Variants in SNX29 observed in about 807,000 individuals in gnomAD.
The protein encoded by SNX29 is sorting nexin-29.
A neutral mutation model predicts 102.1 loss-of-function variants in SNX29; 78 were observed. The observed-to-expected ratio is 0.76, with a 90% confidence interval of 0.64 to 0.92. SNX29 has a LOEUF of 0.92. SNX29 is among the 40% of genes least tolerant of loss of function. The pLI is 0.00. For missense variants in SNX29, 1,280 were observed against 1,061.7 expected (o/e 1.21, Z -2.86); for synonymous variants, 580 against 414.5 (o/e 1.40, Z -4.85).
chr16:12,568,697 T>C lies in SNX29; in HGVS notation c.*68T>C, dbSNP rs1482831988. On this transcript the variant is annotated 3_prime_UTR_variant, in exon 21 of 21. Transcript: ENST00000566228. ...CTGCGTCCACCCCAGCCACTGCCGC[T>C]GGCCCCTCACCTCAGCGTGACAACC... 8 of 1,574,070 alleles carry C rather than the reference T, an allele frequency of 5.1e-6. No individual in the cohort carries two copies. The highest frequency in any genetic ancestry group is 6.9e-6 in the Non-Finnish European group (8 of 1,165,354).
chr16:12,144,473 G>A (rs945902338), intron 13 of SNX29, among the ~76,000 whole-genome samples: 6 of 152,296 alleles, frequency 3.9e-5, no homozygotes, highest in Admixed American at 3.3e-4. Context: ...ATTAGACCAT[G>A]AGCGCTCCAC....
At chr16:12,046,356 C>G (rs185932568) in intron 5 of SNX29, 28 bp from the exon 6 acceptor site, 8 of 1,611,378 alleles carry the variant, frequency 5.0e-6, no homozygotes, top group Non-Finnish European at 5.9e-6. Context: ...CTGCTAAGAA[C>G]GATTTCCTTT....
intron 15 of SNX29, among the ~76,000 whole-genome samples, chr16:12,345,000 A>G (rs1173609528): frequency 1.3e-5 from 2 of 152,250 alleles, no homozygotes; most frequent in Admixed American, 6.5e-5. Context: ...GGCGCCAAGT[A>G]AACCACCTCA....
intron 15 of SNX29, among the ~76,000 whole-genome samples, chr16:12,320,459 A>G (rs2080896009): frequency 6.6e-6 from 1 of 152,222 alleles, no homozygotes; most frequent in Admixed American, 6.5e-5. Context: ...CTCAGCCACC[A>G]TCATCAGCCC....
intron 18 of SNX29, among the ~76,000 whole-genome samples, chr16:12,434,694 C>G (rs982547624): frequency 2.6e-5 from 4 of 152,122 alleles, no homozygotes; most frequent in African/African-American, 9.7e-5. Flanking sequence ...TTCTTAACTT[C>G]CTGCATCTGA....
intron 20 of SNX29, among the ~76,000 whole-genome samples, chr16:12,531,698 G>A (rs1183422657): frequency 6.6e-6 from 1 of 152,180 alleles, no homozygotes; most frequent in Non-Finnish European, 1.5e-5. Flanking sequence ...AGAGGTCAAG[G>A]GGACAAGGAG....
chr16:12,430,796 C>T (rs963328225), intron 18 of SNX29, among the ~76,000 whole-genome samples: 1 of 151,380 alleles, frequency 6.6e-6, no homozygotes, highest in African/African-American at 2.4e-5. Flanking sequence ...CCTTAGTCCA[C>T]TTGTAAGTGG....
At chr16:12,475,293 G>A (rs907173322) in intron 18 of SNX29, among the ~76,000 whole-genome samples, 1 of 152,200 alleles carries the variant, frequency 6.6e-6, no homozygotes, top group African/African-American at 2.4e-5. Context: ...CCACCCAGTG[G>A]TTGGTAAGAT....
At chr16:12,477,000 C>T (rs751827471) in intron 18 of SNX29, among the ~76,000 whole-genome samples, 5 of 152,154 alleles carry the variant, frequency 3.3e-5, no homozygotes, top group Non-Finnish European at 7.4e-5. Flanking sequence ...ATTGATGTCT[C>T]TCCTGCTTCT....
chr16:12,570,037 T>TC lies in SNX29; in HGVS notation c.*1410dup. On this transcript the variant is annotated 3_prime_UTR_variant, in exon 21 of 21. Coordinates refer to ENST00000566228, the MANE Select transcript of SNX29 (RefSeq NM_032167.5). ...ACTGCCCAGGTGAGCATGGAGCATC[T>TC]CCTAGGCTCGAGGACATCTCTGGAG... 2.3e-6 allele frequency: 1 copy of TC among 428,400 alleles called. No homozygotes were observed. Among genetic ancestry groups the TC allele is most frequent in the Non-Finnish European group, 3.4e-6 (1 of 297,118 alleles). The allele number at this position is 428,400 out of a possible 1,614,324, so 26.5% of individuals were successfully genotyped here. A position where few individuals can be genotyped will look rare whatever the true frequency, so the allele number is the denominator to read the frequency against.
chr16:12,470,769 C>G (rs1464796314), intron 18 of SNX29, among the ~76,000 whole-genome samples: 2 of 152,212 alleles, frequency 1.3e-5, no homozygotes, highest in Admixed American at 1.3e-4. Context: ...ATTGCACATC[C>G]TATAATTAGC....
At position 12,451,861 on chromosome 16, in the gene SNX29, C is replaced by G. The variant is rs1268841074; in HGVS notation, c.2038-25858C>G. On this transcript the variant is annotated intron_variant, in intron 18 of 20. Transcript: ENST00000566228. Reference sequence around the variant, plus strand: ...CCTGGGTGACAGAGCAAGACTTCATCTAAAAATAAATAAACAAACAGATGG... The same window carrying G: ...CCTGGGTGACAGAGCAAGACTTCATGTAAAAATAAATAAACAAACAGATGG... 2.0e-5 allele frequency among the ~76,000 whole-genome samples: 3 copies of G among 152,324 alleles called. No individual in the cohort carries two copies. The South Asian group carries it at 6.2e-4, about 32-fold the overall frequency.
rs1333254081 is a variant in SNX29, at chr16:12,052,220, G to T, written c.1122G>T (p.Glu374Asp). The change falls in exon 8 of 21, where the codon GAG becomes GAT. Residue 374 changes from glutamate (E) to aspartate (D), a missense_variant and splice_region_variant. Transcript: ENST00000566228. ...ACAGGGGCCACTCGGAGTCGCCCGA[G>T]AAGTAAGTTTGTGTGTAAGGTGGAG... Reference protein sequence around the residue: ...RKHRGHSESPEKPLEGNTCLS... With the variant: ...RKHRGHSESPDKPLEGNTCLS... 4.3e-6 allele frequency: 7 copies of T among 1,613,822 alleles called. No homozygotes were observed. The South Asian group carries it at 4.4e-5, about 10-fold the overall frequency.
intron 14 of SNX29, among the ~76,000 whole-genome samples, chr16:12,213,550 G>T (rs967280427): frequency 6.6e-6 from 1 of 152,188 alleles, no homozygotes; most frequent in Non-Finnish European, 1.5e-5. Flanking sequence ...GATGACACAC[G>T]CAAAGTAGCA....
rs144830445 is a variant in SNX29, at chr16:12,269,879, G to T, written c.1679-8054G>T. Among the ~76,000 whole-genome samples the T allele has an allele frequency of 3.1e-3, 459 of 147,832 alleles. 2 individuals carry two copies. The highest frequency in any genetic ancestry group is 0.011 in the African/African-American group (435 of 39,900). On this transcript the variant is annotated intron_variant, in intron 14 of 20. Transcript: ENST00000566228. The stretch of plus-strand genomic sequence containing the variant: ...ATCATCATTATTATTATTATTATTT[G>T]AGATGGGGTCTCACTCTGTTGCCCA...
At chr16:12,283,748 G>A (rs2151032915) in intron 15 of SNX29, among the ~76,000 whole-genome samples, 1 of 152,348 alleles carries the variant, frequency 6.6e-6, no homozygotes, top group South Asian at 2.1e-4. Flanking sequence ...ATTCTTGTGG[G>A]TGAGGCAGAC....
At chr16:12,403,192 TTGTGTGTGTATG>T (rs559479118) in intron 17 of SNX29, among the ~76,000 whole-genome samples, 3,880 of 129,674 alleles carry the variant, frequency 0.03, 138 homozygotes, top group African/African-American at 0.085. Context: ...GGAGTACAGA[TTGTGTGTGTATG>T]TGTGTGTGTG....
At chr16:12,274,931 TCTC>T (rs1181417070) in intron 14 of SNX29, among the ~76,000 whole-genome samples, 1 of 152,058 alleles carries the variant, frequency 6.6e-6, no homozygotes, top group African/African-American at 2.4e-5. Context: ...GACTACACTG[TCTC>T]CTCCTCTCTC....
chr16:12,306,128 A>G (rs970893804), intron 15 of SNX29, among the ~76,000 whole-genome samples: 8 of 151,042 alleles, frequency 5.3e-5, no homozygotes, highest in African/African-American at 2.0e-4. Context: ...CTGAACCTCC[A>G]TTTCCCTCTT....
Sources: gnomAD v4.1 joint callset for allele counts (sites outside exome capture counted in the v4.1 genomes callset) on GRCh38, gnomAD v4.1.1 for gene constraint, MANE v1.5 for transcripts, NCBI Gene and HGNC (gene_info 2026-07-23, HGNC 2026-07-21) for gene names.